HDAC7: variants seen among roughly 807,000 people sequenced by gnomAD.
The protein encoded by HDAC7 is histone deacetylase 7, also known as histone deacetylase 7A.
Under a neutral mutation model 115.5 loss-of-function variants are expected in HDAC7, and 26 were observed. That is an observed-to-expected ratio of 0.23 (90% confidence interval 0.16 to 0.31). The LOEUF (loss-of-function observed/expected upper bound fraction) is 0.31, where lower values mean the gene tolerates loss of function less well. Ranked by LOEUF, HDAC7 falls within the 10% of genes least tolerant of loss-of-function variation. HDAC7 has a pLI of 1.00. For missense variants in HDAC7, 1,068 were observed against 1,329.0 expected, an observed-to-expected ratio of 0.80 and a Z score of 3.05; for synonymous variants, 564 against 550.9, an observed-to-expected ratio of 1.02 and a Z score of -0.33.
intron 1 of HDAC7, among the ~76,000 whole-genome samples, chr12:47,806,957 TGA>T: frequency 6.6e-6 from 1 of 151,516 alleles, no homozygotes; most frequent in East Asian, 2.0e-4. Context: ...TTTTTTTTTT[TGA>T]GATGGAGTCT....
At chr12:47,810,109 G>A (rs1944585744) in intron 1 of HDAC7, among the ~76,000 whole-genome samples, 1 of 152,072 alleles carries the variant, frequency 6.6e-6, no homozygotes, top group Non-Finnish European at 1.5e-5. Flanking sequence ...ACCATGCCCA[G>A]CTAATTTTTG....
At chr12:47,802,196 C>A in intron 2 of HDAC7, 28 bp downstream of exon 2, 1 of 1,608,326 alleles carries the variant, frequency 6.2e-7, no homozygotes, top group South Asian at 1.1e-5. Flanking sequence ...CACTCCCTAC[C>A]ATGGACTCCC....
intron 16 of HDAC7, chr12:47,790,123 C>T (rs918407860): frequency 3.4e-6 from 2 of 585,692 alleles, no homozygotes; most frequent in Admixed American, 3.0e-5. Flanking sequence ...GCTTAAGTCC[C>T]AGCACCAGCC....
At chr12:47,808,727 A>G (rs1249186723) in intron 1 of HDAC7, among the ~76,000 whole-genome samples, 1 of 152,200 alleles carries the variant, frequency 6.6e-6, no homozygotes, top group Admixed American at 6.5e-5. Context: ...GAGGGCCTGC[A>G]TCTACTTCCT....
At chr12:47,821,039 G>A (rs538674426), upstream of HDAC7, among the ~76,000 whole-genome samples, 23 of 152,314 alleles carry the variant, frequency 1.5e-4, no homozygotes, top group African/African-American at 5.1e-4. Context: ...AGGAAGGGGA[G>A]AGGTCCACCA....
At position 47,802,265 on chromosome 12, in the gene HDAC7, T is replaced by G. The variant is rs745842461; in HGVS notation, c.29A>C (p.Gln10Pro). The G allele has an allele frequency of 6.2e-7, 1 of 1,613,948 alleles. No homozygotes were observed. The highest frequency in any genetic ancestry group is 1.1e-5 in the South Asian group (1 of 91,050). Reference sequence around the variant, plus strand: ...GCAGTAGTGGGCACCCGGGCTCACCTGGGTCCCATCTGTAGAGAGAGAGAC... The same window carrying G: ...GCAGTAGTGGGCACCCGGGCTCACCGGGGTCCCATCTGTAGAGAGAGAGAC... MHSPGADGT[Q>P]VSPGAHYCSP... The change falls in exon 2 of 26, where the codon CAG becomes CCG. Residue 10 changes from glutamine (Q) to proline (P), a missense_variant. Gln to Pro is a moderately conservative substitution (Grantham distance 76). Coordinates refer to ENST00000080059, the MANE Select transcript of HDAC7 (RefSeq NM_015401.5).
chr12:47,794,656 C>T, intron 12 of HDAC7, 104 bp downstream of exon 12: 3 of 1,200,720 alleles, frequency 2.5e-6, no homozygotes, highest in Non-Finnish European at 3.4e-6. Flanking sequence ...GGTCCTAGAG[C>T]TGCCTGTTGC....
At chr12:47,791,801 G>GCCCCCCCCCCCCCCCCCCCC in intron 14 of HDAC7, 70 bp downstream of exon 14, 12 of 1,511,052 alleles carry the variant, frequency 7.9e-6, no homozygotes, top group Admixed American at 2.0e-5. Flanking sequence ...GGGCCCCAGG[G>GCCCCCCCCCCCCCCCCCCCC]CCCCCCACCC....
rs1216401360 is a variant in HDAC7, at chr12:47,791,649, G to A, written c.1870C>T (p.His624Tyr). The A allele has an allele frequency of 1.9e-6, 3 of 1,613,212 alleles. No individual in the cohort carries two copies. Among genetic ancestry groups the A allele is most frequent in the African/African-American group, 2.7e-5 (2 of 74,920 alleles). ...EELQSVHSER[H>Y]VLLYGTNPLS... ...GGGTTGGTGCCGTAGAGGAGCACGT[G>A]CCGCTCAGAGTGGACCGACTGCAGC... is the stretch of plus-strand genomic sequence containing the variant. Residue 624 changes from histidine (H) to tyrosine (Y), a missense_variant, in exon 15 of 26, where the codon CAC becomes TAC. Coordinates refer to ENST00000080059, the MANE Select transcript of HDAC7 (RefSeq NM_015401.5).
intron 19 of HDAC7, chr12:47,789,026 C>T: frequency 1.9e-6 from 1 of 522,370 alleles, no homozygotes; most frequent in Non-Finnish European, 3.4e-6. Context: ...ACTCAAATGA[C>T]AGCTCCTACT....
chr12:47,797,707 T>A lies in HDAC7; in HGVS notation c.462-208A>T, dbSNP rs1325694721. On this transcript the variant is annotated intron_variant, in intron 5 of 25. Transcript: ENST00000080059. This position sits in a 1 kb window ranked among gnomAD's most constrained non-coding sequence, Gnocchi z 5.5. ...ATAGTGCAGAGCTCTGACCTAGGCA[T>A]AGAAGCCAGGTGCTTGGTGCGTGGG... 6.6e-6 allele frequency among the ~76,000 whole-genome samples: 1 copy of A among 152,154 alleles called. No homozygotes were observed. The highest frequency in any genetic ancestry group is 6.5e-5 in the Admixed American group (1 of 15,280).
At chr12:47,807,750 T>G (rs994842325) in intron 1 of HDAC7, among the ~76,000 whole-genome samples, 6 of 152,122 alleles carry the variant, frequency 3.9e-5, no homozygotes, top group African/African-American at 9.6e-5. Context: ...GAAGACAATC[T>G]CAAAGAATCA....
At chr12:47,787,923 A>C (rs1314422024) in intron 20 of HDAC7, 114 bp from the exon 21 acceptor site, 31 of 1,535,146 alleles carry the variant, frequency 2.0e-5, no homozygotes, top group Non-Finnish European at 2.8e-5. Context: ...CAGGTGGGGA[A>C]GTTTAGGATC....
intron 22 of HDAC7, 23 bp from the exon 23 acceptor site, chr12:47,785,908 T>C: frequency 6.4e-7 from 1 of 1,568,594 alleles, no homozygotes; most frequent in Non-Finnish European, 8.7e-7. Flanking sequence ...AGGGGAGAAA[T>C]GGGAGGGGCG....
intron 1 of HDAC7, among the ~76,000 whole-genome samples, chr12:47,817,107 A>C (rs1460273547): frequency 6.6e-6 from 1 of 152,208 alleles, no homozygotes; most frequent in Non-Finnish European, 1.5e-5. Flanking sequence ...ACAGGGGGAA[A>C]ATATTACAAG....
chr12:47,798,496 C>G lies in HDAC7; in HGVS notation c.349+66G>C. The G allele has an allele frequency of 2.7e-6, 4 of 1,462,248 alleles. No homozygotes were observed. The South Asian group carries it at 4.6e-5, about 17-fold the overall frequency. 90.6% of individuals were successfully genotyped at this position (1,462,248 alleles called of 1,614,324 possible). On this transcript the variant is annotated intron_variant, in intron 4 of 25. Coordinates refer to ENST00000080059, the MANE Select transcript of HDAC7 (RefSeq NM_015401.5). The surrounding 1 kb of genome is among the most constrained non-coding windows in gnomAD (Gnocchi z 4.3). Reference sequence around the variant, plus strand: ...GCCCTCCCACCTCACCCCTCACAAGCCACACAGGCAGCCGCAGGCACCTGG... The same window carrying G: ...GCCCTCCCACCTCACCCCTCACAAGGCACACAGGCAGCCGCAGGCACCTGG...
At chr12:47,791,384 G>A in intron 15 of HDAC7, 76 bp from the exon 16 acceptor site, 1 of 1,457,578 alleles carries the variant, frequency 6.9e-7, no homozygotes, top group Non-Finnish European at 9.2e-7. Context: ...GGAGCCCAGA[G>A]AGCAGGGCCG....
upstream of HDAC7, among the ~76,000 whole-genome samples, chr12:47,820,797 G>A (rs923668640): frequency 3.3e-5 from 5 of 151,060 alleles, no homozygotes; most frequent in African/African-American, 4.9e-5. This position sits in a 1 kb window ranked among gnomAD's most constrained non-coding sequence, Gnocchi z 4.3. Flanking sequence ...GCATTACAGC[G>A]GATCACAGAA....
upstream of HDAC7, among the ~76,000 whole-genome samples, chr12:47,821,075 C>T (rs1262595105): frequency 1.3e-5 from 2 of 152,192 alleles, no homozygotes; most frequent in South Asian, 2.1e-4. Flanking sequence ...CTCTCTGCAG[C>T]GTGAGGCGCC....
Sources: allele counts gnomAD v4.1 joint callset (sites outside exome capture counted in the v4.1 genomes callset), GRCh38; gene constraint gnomAD v4.1.1; non-coding constraint Gnocchi (gnomAD v3.1); transcripts MANE v1.5; gene names NCBI Gene and HGNC (gene_info 2026-07-23, HGNC 2026-07-21).